THBD: variants seen among roughly 807,000 people sequenced by gnomAD.
THBD encodes the protein thrombomodulin.
For missense variants in THBD, 850 were observed against 816.9 expected (o/e 1.04, Z -0.49); for synonymous variants, 449 against 374.2 (o/e 1.20, Z -2.31).
Position 23,049,638 on chromosome 20 carries a change from G to T in THBD, c.-134C>A. 1 of 1,241,440 alleles carries T rather than the reference G, an allele frequency of 8.1e-7. No individual in the cohort carries two copies. The highest frequency in any genetic ancestry group is 1.1e-6 in the Non-Finnish European group (1 of 871,516). 76.9% of individuals were successfully genotyped at this position (1,241,440 alleles called of 1,614,324 possible). On this transcript the variant is annotated 5_prime_UTR_variant, in exon 1 of 1. Transcript: ENST00000377103. ...CGTCCCAGCCCAGACACTTCTTGCCGCTGCGCGCAGCCCCTGCGAGGCAGC... is the reference window on the plus strand; with the variant it reads ...CGTCCCAGCCCAGACACTTCTTGCCTCTGCGCGCAGCCCCTGCGAGGCAGC...
chr20:23,047,632 T>G lies in THBD; in HGVS notation c.*145A>C. Reference sequence around the variant, plus strand: ...TCCCTCTAATCACCCCCTCGCCAGTTAGCCATGGAATAGAAGAAAACAGCT... The same window carrying G: ...TCCCTCTAATCACCCCCTCGCCAGTGAGCCATGGAATAGAAGAAAACAGCT... On this transcript the variant is annotated 3_prime_UTR_variant, in exon 1 of 1. Coordinates refer to ENST00000377103, the MANE Select transcript of THBD (RefSeq NM_000361.3). 1.0e-6 allele frequency: 1 copy of G among 982,532 alleles called. No individual in the cohort carries two copies. The highest frequency in any genetic ancestry group is 1.5e-6 in the Non-Finnish European group (1 of 683,686). The allele number at this position is 982,532 out of a possible 1,614,324, so 60.9% of individuals were successfully genotyped here. A position where few individuals can be genotyped will look rare whatever the true frequency, so the allele number is the denominator to read the frequency against.
At position 23,048,944 on chromosome 20, in the gene THBD, G is replaced by C; in HGVS notation, c.561C>G (p.Ala187=). The C allele has an allele frequency of 5.8e-6, 9 of 1,542,694 alleles. No homozygotes were observed. The highest frequency in any genetic ancestry group is 7.8e-6 in the Non-Finnish European group (9 of 1,147,186). ...PLAVEPGAAA[A]AVSITYGTPF... is the part of the protein sequence containing the mutation. ...GGGTGCCGTAGGTGATCGAGACGGC[G>C]GCAGCCGCGGCGCCGGGCTCCACAG... is the stretch of plus-strand genomic sequence containing the variant. Residue 187 remains alanine (A), a synonymous_variant, in exon 1 of 1, where the codon GCC becomes GCG. Coordinates refer to ENST00000377103, the MANE Select transcript of THBD (RefSeq NM_000361.3).
rs1349706747 is a variant in THBD, at chr20:23,049,597, G to T, written c.-93C>A. 4 of 1,486,726 alleles carry T rather than the reference G, an allele frequency of 2.7e-6. No individual in the cohort carries two copies. The highest frequency in any genetic ancestry group is 2.8e-5 in the African/African-American group (2 of 71,360). The allele number at this position is 1,486,726 out of a possible 1,614,324, so 92.1% of individuals were successfully genotyped here. The stretch of plus-strand genomic sequence containing the variant: ...CAGAGGGGCACAGGACGCCGATGGC[G>T]ACAGCCTCTCCTGTCCGTCCCAGCC... On this transcript the variant is annotated 5_prime_UTR_variant, in exon 1 of 1. Coordinates refer to ENST00000377103, the MANE Select transcript of THBD (RefSeq NM_000361.3).
rs1984553322 is a variant in THBD at position 23,045,681 on chromosome 20, A to T, written c.*2096T>A. ...AAGGGTTTATTTAATTCATTCCAACAAATGATCCTATAATGCATTTATGCA... is the reference window on the plus strand; with the variant it reads ...AAGGGTTTATTTAATTCATTCCAACTAATGATCCTATAATGCATTTATGCA... On this transcript the variant is annotated 3_prime_UTR_variant, in exon 1 of 1. Coordinates refer to ENST00000377103, the MANE Select transcript of THBD (RefSeq NM_000361.3). 1 of 152,254 alleles carries T rather than the reference A, an allele frequency of 6.6e-6. No homozygotes were observed. Among genetic ancestry groups the T allele is most frequent in the Admixed American group, 6.5e-5 (1 of 15,286 alleles). 9.4% of individuals were successfully genotyped at this position (152,254 alleles called of 1,614,324 possible). A position where few individuals can be genotyped will look rare whatever the true frequency, so the allele number is the denominator to read the frequency against.
rs907995924 is a variant in THBD at position 23,049,151 on chromosome 20, G to A, written c.354C>T (p.Ser118=). ...FQWVTGDNNT[S]YSRWARLDLN... is the part of the protein sequence containing the mutation. ...GGTCGAGCCGTGCCCACCTGCTATA[G>A]CTGGTGTTGTTGTCTCCCGTAACCC... Residue 118 remains serine, a synonymous_variant, in exon 1 of 1, where the codon AGC becomes AGT. Transcript: ENST00000377103. 8 of 1,587,598 alleles carry A rather than the reference G, an allele frequency of 5.0e-6. No homozygotes were observed. The highest frequency in any genetic ancestry group is 1.7e-4 in the Middle Eastern group (1 of 6,042).
In THBD at chr20:23,048,892, G is replaced by A; in HGVS notation, c.613C>T (p.Gln205Ter). The A allele has an allele frequency of 6.6e-7, 1 of 1,518,148 alleles. No individual in the cohort carries two copies. Among genetic ancestry groups the A allele is most frequent in the Non-Finnish European group, 8.8e-7 (1 of 1,137,116 alleles). The allele number at this position is 1,518,148 out of a possible 1,614,324, so 94.0% of individuals were successfully genotyped here. A position where few individuals can be genotyped will look rare whatever the true frequency, so the allele number is the denominator to read the frequency against. Reference sequence around the variant, plus strand: ...GCGGAGCTGCCCACCGGCAGCGCCTGGAAGTCCGCTCCGCGGGCCGCGAAC... The same window carrying A: ...GCGGAGCTGCCCACCGGCAGCGCCTAGAAGTCCGCTCCGCGGGCCGCGAAC... ...TPFAARGADF[Q>*]ALPVGSSAAV... Residue 205 changes from glutamine to a stop codon, truncating the protein, a stop_gained, in exon 1 of 1, where the codon CAG (glutamine) becomes TAG (stop). Transcript: ENST00000377103. LOFTEE classifies it low-confidence loss of function (END_TRUNC).
In THBD at chr20:23,049,403, G is replaced by A. The variant is rs537919471; in HGVS notation, c.102C>T (p.Asp34=). The change falls in exon 1 of 1, where the codon GAC becomes GAT. Residue 34 remains aspartate (D), a synonymous_variant. Coordinates refer to ENST00000377103, the MANE Select transcript of THBD (RefSeq NM_000361.3). ...CGGGGCCCGGGTAGAGCGCGAAGCA[G>A]TCGTGCTCGACGCACTGGCTGCCAC... ...QPGGSQCVEH[D]CFALYPGPAT... 4 of 1,593,330 alleles carry A rather than the reference G, an allele frequency of 2.5e-6. No individual in the cohort carries two copies. The South Asian group carries it at 4.5e-5, about 18-fold the overall frequency.
chr20:23,046,330 C>T lies in THBD; in HGVS notation c.*1447G>A, dbSNP rs1283659859. The T allele has an allele frequency of 6.6e-6, 1 of 152,330 alleles. No homozygotes were observed. Among genetic ancestry groups the T allele is most frequent in the Non-Finnish European group, 1.5e-5 (1 of 68,040 alleles). 9.4% of individuals were successfully genotyped at this position (152,330 alleles called of 1,614,324 possible). A position where few individuals can be genotyped will look rare whatever the true frequency, so the allele number is the denominator to read the frequency against. ...CTTGAAAATAAGGGCCTGACTTGGC[C>T]TGCTACTTATAACTGATCTATATTT... On this transcript the variant is annotated 3_prime_UTR_variant, in exon 1 of 1. Coordinates refer to ENST00000377103, the MANE Select transcript of THBD (RefSeq NM_000361.3).
Position 23,048,725 on chromosome 20 carries a change from A to G in THBD, c.780T>C (p.Pro260=). 6.3e-7 allele frequency: 1 copy of G among 1,580,218 alleles called. No homozygotes were observed. Among genetic ancestry groups the G allele is most frequent in the African/African-American group, 1.3e-5 (1 of 74,704 alleles). The change falls in exon 1 of 1, where the codon CCT becomes CCC. Residue 260 remains proline (P), a synonymous_variant. Transcript: ENST00000377103. The part of the protein sequence containing the change: ...GGCEHACNAI[P]GAPRCQCPAG... ...CTGGGCACTGGCAGCGGGGAGCCCC[A>G]GGGATCGCATTGCACGCGTGCTCGC...
Position 23,048,590 on chromosome 20 carries a change from G to T in THBD, c.915C>A (p.Ser305=), listed in dbSNP as rs1380903335. The change falls in exon 1 of 1, where the codon TCC becomes TCA. Residue 305 remains serine, a synonymous_variant. Transcript: ENST00000377103. ...FCVPNPDQPG[S]YSCMCETGYR... ...AGCCGGTCTCGCACATGCACGAGTAGGAGCCCGGCTGGTCGGGGTTGGGAA... is the reference window on the plus strand; with the variant it reads ...AGCCGGTCTCGCACATGCACGAGTATGAGCCCGGCTGGTCGGGGTTGGGAA... 2 of 1,599,392 alleles carry T rather than the reference G, an allele frequency of 1.3e-6. No homozygotes were observed. The highest frequency in any genetic ancestry group is 1.7e-5 in the Admixed American group (1 of 59,918).
In THBD at chr20:23,047,931, C is replaced by T; in HGVS notation, c.1574G>A (p.Ser525Asn). 4.3e-6 allele frequency: 7 copies of T among 1,609,964 alleles called. No homozygotes were observed. Among genetic ancestry groups the T allele is most frequent in the Non-Finnish European group, 5.9e-6 (7 of 1,178,600 alleles). ...SGLLIGISIA[S>N]LCLVVALLAL... is the part of the protein sequence containing the mutation. ...CAAAAGCGCCACCACCAGGCACAGG[C>T]TCGCGATGGAGATGCCTATGAGCAA... Residue 525 changes from serine (S) to asparagine (N), a missense_variant, in exon 1 of 1, where the codon AGC (serine) becomes AAC (asparagine). Transcript: ENST00000377103.
In THBD at chr20:23,048,898, C is replaced by A. The variant is rs1984658106; in HGVS notation, c.607G>T (p.Asp203Tyr). Residue 203 changes from aspartate (D) to tyrosine (Y), a missense_variant, in exon 1 of 1, where the codon GAC becomes TAC. Asp to Tyr is a radical substitution (Grantham distance 160, BLOSUM62 -3). Transcript: ENST00000377103. ...CTGCCCACCGGCAGCGCCTGGAAGT[C>A]CGCTCCGCGGGCCGCGAACGGGGTG... ...YGTPFAARGADFQALPVGSSA... is the reference protein window; with the variant it reads ...YGTPFAARGAYFQALPVGSSA... 6.6e-6 allele frequency: 10 copies of A among 1,519,518 alleles called. No individual in the cohort carries two copies. Among genetic ancestry groups the A allele is most frequent in the Non-Finnish European group, 8.8e-6 (10 of 1,137,264 alleles). The allele number at this position is 1,519,518 out of a possible 1,614,324, so 94.1% of individuals were successfully genotyped here. A position where few individuals can be genotyped will look rare whatever the true frequency, so the allele number is the denominator to read the frequency against.
Position 23,049,555 on chromosome 20 carries a change from A to T in THBD, c.-51T>A, listed in dbSNP as rs1406525370. 1 of 1,537,180 alleles carries T rather than the reference A, an allele frequency of 6.5e-7. No individual in the cohort carries two copies. Among genetic ancestry groups the T allele is most frequent in the Non-Finnish European group, 8.8e-7 (1 of 1,139,732 alleles). On this transcript the variant is annotated 5_prime_UTR_variant, in exon 1 of 1. Transcript: ENST00000377103. ...CGCCGGGGAAAGCGCGGGCACTGCG[A>T]CAGGGCCGTGCCGGAGCAGAGGGGC...
chr20:23,047,529 T>G lies in THBD; in HGVS notation c.*248A>C, dbSNP rs1216127694. 5.1e-6 allele frequency: 3 copies of G among 586,768 alleles called. No homozygotes were observed. Among genetic ancestry groups the G allele is most frequent in the Non-Finnish European group, 6.0e-6 (2 of 333,220 alleles). 36.3% of individuals were successfully genotyped at this position (586,768 alleles called of 1,614,324 possible). A position where few individuals can be genotyped will look rare whatever the true frequency, so the allele number is the denominator to read the frequency against. ...AGTGAGGACCTGGGACAAATCGCAG[T>G]CTGTGTCTTCGTTACAAAATTGCCA... On this transcript the variant is annotated 3_prime_UTR_variant, in exon 1 of 1. Coordinates refer to ENST00000377103, the MANE Select transcript of THBD (RefSeq NM_000361.3).
At position 23,046,699 on chromosome 20, in the gene THBD, G is replaced by T. The variant is rs1404119253; in HGVS notation, c.*1078C>A. 1 of 152,252 alleles carries T rather than the reference G, an allele frequency of 6.6e-6. No homozygotes were observed. The highest frequency in any genetic ancestry group is 1.5e-5 in the Non-Finnish European group (1 of 68,038). The allele number at this position is 152,252 out of a possible 1,614,324, so 9.4% of individuals were successfully genotyped here. On this transcript the variant is annotated 3_prime_UTR_variant, in exon 1 of 1. Coordinates refer to ENST00000377103, the MANE Select transcript of THBD (RefSeq NM_000361.3). ...CTACCAGTGACAAGGAACAGTGACA[G>T]TCAATTGCTAATTGGCATGAATCAT... is the stretch of plus-strand genomic sequence containing the variant.
Position 23,049,237 on chromosome 20 carries a change from G to A in THBD, c.268C>T (p.Leu90=). 1.3e-6 allele frequency: 2 copies of A among 1,555,542 alleles called. No homozygotes were observed. The highest frequency in any genetic ancestry group is 2.4e-5 in the South Asian group (2 of 84,722). Residue 90 remains leucine (L), a synonymous_variant, in exon 1 of 1, where the codon CTG becomes TTG. Transcript: ENST00000377103. ...TCGCCGCAGCCGGGTGGCAGCTGCA[G>A]GCCGATCCAGAGGCGCCGGCGGCCA... The part of the protein sequence containing the change: ...GVGRRRLWIG[L]QLPPGCGDPK...
At position 23,048,369 on chromosome 20, in the gene THBD, T is replaced by TGGC. The variant is rs775306723; in HGVS notation, c.1133_1135dup (p.Cys378_Gln379insArg). The TGGC allele has an allele frequency of 6.2e-7, 1 of 1,613,984 alleles. No homozygotes were observed. The highest frequency in any genetic ancestry group is 1.7e-5 in the Admixed American group (1 of 60,030). ...GAGGTAGCTAGTTTGGTTCAGGGGC[T>TGGC]GGCACTGGTACTCGCAGTTGGCTCT... On this transcript the variant is annotated inframe_insertion, in exon 1 of 1. Transcript: ENST00000377103.
rs1008621697 is a variant in THBD, at chr20:23,048,608, G to T, written c.897C>A (p.Asn299Lys). The T allele has an allele frequency of 1.3e-6, 2 of 1,598,414 alleles. No homozygotes were observed. The highest frequency in any genetic ancestry group is 8.5e-7 in the Non-Finnish European group (1 of 1,179,530). Residue 299 changes from asparagine (N) to lysine (K), a missense_variant, in exon 1 of 1, where the codon AAC becomes AAA. By Grantham distance (94) the Asn-to-Lys change is moderately conservative. Coordinates refer to ENST00000377103, the MANE Select transcript of THBD (RefSeq NM_000361.3). Reference protein sequence around the residue: ...NDLCEHFCVPNPDQPGSYSCM... With the variant: ...NDLCEHFCVPKPDQPGSYSCM... ...ACGAGTAGGAGCCCGGCTGGTCGGG[G>T]TTGGGAACGCAGAAGTGCTCGCAGA...
Position 23,048,935 on chromosome 20 carries a change from C to A in THBD, c.570G>T (p.Ser190=). ...VEPGAAAAAV[S]ITYGTPFAAR... ...CCGCGAACGGGGTGCCGTAGGTGAT[C>A]GAGACGGCGGCAGCCGCGGCGCCGG... The change falls in exon 1 of 1, where the codon TCG becomes TCT. Residue 190 remains serine (S), a synonymous_variant. Coordinates refer to ENST00000377103, the MANE Select transcript of THBD (RefSeq NM_000361.3). 4 of 1,538,750 alleles carry A rather than the reference C, an allele frequency of 2.6e-6. No individual in the cohort carries two copies. Among genetic ancestry groups the A allele is most frequent in the Non-Finnish European group, 3.5e-6 (4 of 1,145,354 alleles).
Sources: allele counts gnomAD v4.1 joint callset, GRCh38; gene constraint gnomAD v4.1.1; transcripts MANE v1.5; gene names NCBI Gene and HGNC (gene_info 2026-07-23, HGNC 2026-07-21).